The following THSD7A variants were observed in gnomAD, a reference collection of about 807,000 sequenced individuals.
The protein encoded by THSD7A is thrombospondin type 1 domain containing 7A, also known as thrombospondin type-1 domain-containing protein 7A.
In THSD7A, 96 loss-of-function variants were observed where a neutral mutation model predicts 231.3. The observed-to-expected ratio is 0.41, with a 90% CI of 0.35 to 0.49. The LOEUF is 0.49. Among genes scored for constraint, THSD7A ranks in the 20% least tolerant of loss-of-function variants. THSD7A has a pLI of 0.05. For synonymous variants in THSD7A, 940 were observed against 743.3 expected (o/e 1.26, Z -4.30); for missense variants, 2,290 against 2,070.2 (o/e 1.11, Z -2.06).
chr7:11,660,014 G>A (rs2128372750), intron 1 of THSD7A, among the ~76,000 whole-genome samples: 1 of 151,466 alleles, frequency 6.6e-6, no homozygotes, highest in African/African-American at 2.4e-5. Context: ...ATTTACATGT[G>A]TATTAAAAAT....
chr7:11,384,024 A>C (rs1190437518), intron 23 of THSD7A: 1 of 152,042 alleles, frequency 6.6e-6, no homozygotes, highest in Non-Finnish European at 1.5e-5. Context: ...GATTTGCAAA[A>C]ATCCAAACAA....
chr7:11,672,697 A>T (rs1265994761), intron 1 of THSD7A, among the ~76,000 whole-genome samples: 1 of 152,164 alleles, frequency 6.6e-6, no homozygotes, highest in Non-Finnish European at 1.5e-5. Flanking sequence ...ATCATTTAAT[A>T]AAAAAAGTTC....
chr7:11,601,293 C>G (rs533349256), intron 2 of THSD7A, among the ~76,000 whole-genome samples: 21 of 152,220 alleles, frequency 1.4e-4, no homozygotes, highest in African/African-American at 5.1e-4. Flanking sequence ...TATTGGTTGA[C>G]TGCCTCTAGT....
At chr7:11,567,802 A>T (rs1312534576) in intron 4 of THSD7A, among the ~76,000 whole-genome samples, 1 of 152,032 alleles carries the variant, frequency 6.6e-6, no homozygotes, top group South Asian at 2.1e-4. Flanking sequence ...GCATATTTTG[A>T]CCCTAGCTCA....
chr7:11,389,798 G>A (rs1782910890), intron 23 of THSD7A, among the ~76,000 whole-genome samples: 1 of 151,996 alleles, frequency 6.6e-6, no homozygotes, highest in Non-Finnish European at 1.5e-5. Flanking sequence ...GCTCTGGTAA[G>A]GCAGGCCTGG....
intron 6 of THSD7A, among the ~76,000 whole-genome samples, chr7:11,529,216 T>A (rs1289063184): frequency 6.6e-6 from 1 of 152,168 alleles, no homozygotes; most frequent in East Asian, 1.9e-4. Flanking sequence ...CTCAGAGATA[T>A]GTTTCTCTGT....
intron 1 of THSD7A, among the ~76,000 whole-genome samples, chr7:11,732,386 C>A (rs532060851): frequency 6.6e-6 from 1 of 151,898 alleles, no homozygotes; most frequent in South Asian, 2.1e-4. Context: ...TGGCATACTG[C>A]CGGACGCATA....
At chr7:11,567,140 A>T (rs1375549966) in intron 4 of THSD7A, among the ~76,000 whole-genome samples, 1 of 152,160 alleles carries the variant, frequency 6.6e-6, no homozygotes, top group Non-Finnish European at 1.5e-5. Context: ...ACTGCTATAA[A>T]GTACTGCCCG....
intron 1 of THSD7A, among the ~76,000 whole-genome samples, chr7:11,734,804 G>A (rs1348636830): frequency 6.6e-6 from 1 of 151,844 alleles, no homozygotes; most frequent in African/African-American, 2.4e-5. Context: ...TTCCTGAAAA[G>A]TATGAAAGCT....
chr7:11,548,927 G>A (rs972439151), intron 4 of THSD7A, among the ~76,000 whole-genome samples: 4 of 151,490 alleles, frequency 2.6e-5, no homozygotes, highest in African/African-American at 9.7e-5. Context: ...TTCACCTTGA[G>A]AACTGGAACA....
Position 11,603,398 on chromosome 7 carries a change from A to G in THSD7A, c.1023-9896T>C, listed in dbSNP as rs942526060. On this transcript the variant is annotated intron_variant, in intron 2 of 27. Coordinates refer to ENST00000423059, the MANE Select transcript of THSD7A (RefSeq NM_015204.3). ...AACCAACAGGTGCTGGAGAGGATGT[A>G]GAGAAATAGGCACACTTTTACACTG... is the stretch of plus-strand genomic sequence containing the variant. Among the ~76,000 whole-genome samples the G allele has an allele frequency of 1.4e-3, 218 of 152,098 alleles. 1 individual carries two copies. Among genetic ancestry groups the G allele is most frequent in the African/African-American group, 4.6e-3 (190 of 41,498 alleles).
intron 22 of THSD7A, among the ~76,000 whole-genome samples, chr7:11,405,180 G>A (rs1407108881): frequency 2.8e-5 from 4 of 143,916 alleles, no homozygotes; most frequent in Admixed American, 2.1e-4. Context: ...GAAGGAATAA[G>A]TAACTCGATG....
intron 6 of THSD7A, among the ~76,000 whole-genome samples, chr7:11,488,016 T>C (rs1786732305): frequency 6.6e-6 from 1 of 152,126 alleles, no homozygotes; most frequent in African/African-American, 2.4e-5. Flanking sequence ...ACCTCCCCTG[T>C]AAAATTGCAA....
At chr7:11,668,818 C>T (rs961775928) in intron 1 of THSD7A, among the ~76,000 whole-genome samples, 1 of 152,286 alleles carries the variant, frequency 6.6e-6, no homozygotes, top group South Asian at 2.1e-4. Context: ...TTAAGAACAA[C>T]TGATTCCTTT....
intron 1 of THSD7A, among the ~76,000 whole-genome samples, chr7:11,753,410 A>G (rs1321983145): frequency 4.6e-5 from 7 of 152,068 alleles, no homozygotes; most frequent in Non-Finnish European, 1.0e-4. Flanking sequence ...AACTTATAAC[A>G]AAGCTTGCTA....
At chr7:11,731,960 G>T in intron 1 of THSD7A, among the ~76,000 whole-genome samples, 1 of 151,588 alleles carries the variant, frequency 6.6e-6, no homozygotes, top group Non-Finnish European at 1.5e-5. Flanking sequence ...GTACACTAGT[G>T]TTTATGACAT....
chr7:11,567,110 A>G (rs73057872), intron 4 of THSD7A, among the ~76,000 whole-genome samples: 9,207 of 152,114 alleles, frequency 0.061, 436 homozygotes, highest in East Asian at 0.2. Context: ...CCAATATCCC[A>G]TGTATTATTC....
At chr7:11,564,160 A>C (rs192661287) in intron 4 of THSD7A, among the ~76,000 whole-genome samples, 1 of 152,314 alleles carries the variant, frequency 6.6e-6, no homozygotes, top group East Asian at 1.9e-4. Flanking sequence ...CAAATATTTG[A>C]AAAAAGGACG....
At chr7:11,574,967 C>T (rs1396287734) in intron 4 of THSD7A, among the ~76,000 whole-genome samples, 1 of 152,152 alleles carries the variant, frequency 6.6e-6, no homozygotes, top group Non-Finnish European at 1.5e-5. Flanking sequence ...TGGAGCCAGA[C>T]TGATTCACAA....
Sources: gnomAD v4.1 joint callset for allele counts (sites outside exome capture counted in the v4.1 genomes callset) on GRCh38, gnomAD v4.1.1 for gene constraint, MANE v1.5 for transcripts, NCBI Gene and HGNC (gene_info 2026-07-23, HGNC 2026-07-21) for gene names.